The following PCDH15 variants were observed in gnomAD, a reference collection of about 807,000 sequenced individuals.
PCDH15 encodes the protein protocadherin related 15.
PCDH15 carries 129 observed loss-of-function variants against 178.5 expected under a neutral mutation model. That is an observed-to-expected ratio of 0.72 (90% CI 0.63 to 0.84). The LOEUF is 0.84. PCDH15 is among the 40% of genes least tolerant of loss of function. The pLI is 0.00. For missense variants in PCDH15, 2,230 were observed against 2,099.9 expected, an observed-to-expected ratio of 1.06 and a Z score of -1.21; for synonymous variants, 800 against 732.0, an observed-to-expected ratio of 1.09 and a Z score of -1.50.
intron 2 of PCDH15, among the ~76,000 whole-genome samples, chr10:54,551,053 G>A (rs1213790179): frequency 3.4e-5 from 5 of 148,942 alleles, no homozygotes; most frequent in African/African-American, 1.2e-4. Flanking sequence ...GACTAGAGTG[G>A]ACGAGGCAGG....
intron 1 of PCDH15, among the ~76,000 whole-genome samples, chr10:55,202,847 A>C (rs977862236): frequency 1.3e-5 from 2 of 152,038 alleles, no homozygotes; most frequent in Non-Finnish European, 2.9e-5. Flanking sequence ...GCCTGCTGTG[A>C]AGAAGGTGCT....
At chr10:55,402,233 T>G (rs1838087982) in intron 2 of PCDH15, among the ~76,000 whole-genome samples, 1 of 152,210 alleles carries the variant, frequency 6.6e-6, no homozygotes, top group Middle Eastern at 3.4e-3. Context: ...TCAATGAGAT[T>G]TGTTTATTTA....
At chr10:53,979,715 G>C (rs954295920) in intron 21 of PCDH15, among the ~76,000 whole-genome samples, 1 of 152,140 alleles carries the variant, frequency 6.6e-6, no homozygotes, top group Admixed American at 6.5e-5. Flanking sequence ...CAACATTTCT[G>C]ATTAAAACTG....
At chr10:55,528,610 T>C in intron 2 of PCDH15, among the ~76,000 whole-genome samples, 1 of 152,188 alleles carries the variant, frequency 6.6e-6, no homozygotes, top group East Asian at 1.9e-4. Flanking sequence ...CCACATTTTC[T>C]TAATCCAGTC....
At chr10:55,005,056 A>G (rs1839891813) in intron 2 of PCDH15, among the ~76,000 whole-genome samples, 1 of 151,928 alleles carries the variant, frequency 6.6e-6, no homozygotes, top group African/African-American at 2.4e-5. Flanking sequence ...TAGTGTTGAA[A>G]CCATTTTTAG....
intron 2 of PCDH15, among the ~76,000 whole-genome samples, chr10:55,430,592 T>C (rs1242293162): frequency 3.3e-5 from 5 of 152,160 alleles, no homozygotes; most frequent in Non-Finnish European, 2.9e-5. Flanking sequence ...TTTCTGTTTT[T>C]ACCCACGAAG....
intron 17 of PCDH15, among the ~76,000 whole-genome samples, chr10:54,075,383 T>TA (rs570648421): frequency 9.6e-4 from 85 of 88,560 alleles, no homozygotes; most frequent in South Asian, 4.5e-3. Context: ...TCTCAAAAAA[T>TA]AAAAAAAAAG....
chr10:54,634,292 C>T (rs1291658243), intron 2 of PCDH15, among the ~76,000 whole-genome samples: 1 of 152,066 alleles, frequency 6.6e-6, no homozygotes, highest in Non-Finnish European at 1.5e-5. Context: ...TAAAATATTG[C>T]ACTGCTTTCT....
At chr10:54,799,975 T>A (rs750678967) in intron 1 of PCDH15, among the ~76,000 whole-genome samples, 29 of 152,312 alleles carry the variant, frequency 1.9e-4, no homozygotes, top group South Asian at 1.9e-3. Flanking sequence ...GTTTCTCTAA[T>A]GTTAAGCAAC....
At chr10:54,315,817 C>T (rs760693117) in intron 8 of PCDH15, among the ~76,000 whole-genome samples, 9 of 152,138 alleles carry the variant, frequency 5.9e-5, no homozygotes, top group African/African-American at 1.7e-4. Flanking sequence ...TCAGCTTTGT[C>T]GAAGGGCAGA....
chr10:54,758,031 T>C (rs1947390981), intron 1 of PCDH15, among the ~76,000 whole-genome samples: 1 of 152,182 alleles, frequency 6.6e-6, no homozygotes, highest in African/African-American at 2.4e-5. Context: ...AAATACTGGC[T>C]AAGTAGAATA....
At chr10:55,247,340 T>C (rs920369529) in intron 1 of PCDH15, among the ~76,000 whole-genome samples, 7 of 152,202 alleles carry the variant, frequency 4.6e-5, no homozygotes, top group African/African-American at 1.7e-4. Context: ...ATTTATTTAA[T>C]GTAAATTCAC....
intron 2 of PCDH15, among the ~76,000 whole-genome samples, chr10:55,600,984 A>T (rs560281966): frequency 1.3e-5 from 2 of 152,134 alleles, no homozygotes; most frequent in Admixed American, 1.3e-4. Flanking sequence ...ACCTCACTTG[A>T]GGTCTGTGGG....
chr10:54,109,591 A>G (rs1388013859), intron 15 of PCDH15, among the ~76,000 whole-genome samples: 2 of 152,210 alleles, frequency 1.3e-5, no homozygotes, highest in East Asian at 3.9e-4. Context: ...CAGGCACAGA[A>G]AGACAAACTT....
At chr10:54,208,753 TTGTG>T (rs771919722) in intron 10 of PCDH15, among the ~76,000 whole-genome samples, 8 of 151,886 alleles carry the variant, frequency 5.3e-5, no homozygotes, top group Non-Finnish European at 8.8e-5. Flanking sequence ...GCATGTGTGT[TTGTG>T]TGTGTTTCAT....
At chr10:54,715,264 A>C (rs2132414923) in intron 1 of PCDH15, among the ~76,000 whole-genome samples, 1 of 152,304 alleles carries the variant, frequency 6.6e-6, no homozygotes, top group African/African-American at 2.4e-5. Context: ...CAATATGGAA[A>C]ATAAATTTCC....
chr10:54,769,321 CTT>C (rs35099531), intron 1 of PCDH15, among the ~76,000 whole-genome samples: 200 of 144,070 alleles, frequency 1.4e-3, no homozygotes, highest in African/African-American at 3.2e-3. Context: ...TACGCAATGC[CTT>C]TTTTTTTTTT....
intron 2 of PCDH15, among the ~76,000 whole-genome samples, chr10:55,620,910 A>C (rs1259945134): frequency 6.6e-6 from 1 of 151,758 alleles, no homozygotes; most frequent in African/African-American, 2.4e-5. Context: ...TAAAATTAAA[A>C]ATAATTTAAA....
chr10:54,250,546 G>T (rs911523862), intron 8 of PCDH15, among the ~76,000 whole-genome samples: 3 of 151,840 alleles, frequency 2.0e-5, no homozygotes, highest in Non-Finnish European at 4.4e-5. Flanking sequence ...GCCTCTCAAA[G>T]TGCTGGGATT....
Sources: allele counts gnomAD v4.1 joint callset (sites outside exome capture counted in the v4.1 genomes callset), GRCh38; gene constraint gnomAD v4.1.1; transcripts MANE v1.5; gene names NCBI Gene and HGNC (gene_info 2026-07-23, HGNC 2026-07-21).